PTPRN2: variants seen among roughly 807,000 people sequenced by gnomAD.
PTPRN2 encodes the protein receptor-type tyrosine-protein phosphatase N2.
PTPRN2 carries 74 observed loss-of-function variants against 118.8 expected under a neutral mutation model. That is an observed-to-expected ratio of 0.62 (90% confidence interval 0.52 to 0.76). The LOEUF (loss-of-function observed/expected upper bound fraction) is 0.76. PTPRN2 is among the 30% of genes least tolerant of loss of function. PTPRN2 has a pLI of 0.00. For synonymous variants in PTPRN2, 641 were observed against 608.0 expected (o/e 1.05, Z -0.80); for missense variants, 1,481 against 1,394.4 (o/e 1.06, Z -0.99).
rs1376376068 is a variant in PTPRN2 at position 158,565,860 on chromosome 7, G to A, written c.112+21698C>T. On this transcript the variant is annotated intron_variant, in intron 1 of 22. Coordinates refer to ENST00000389418, the MANE Select transcript of PTPRN2 (RefSeq NM_002847.5). This position sits in a 1 kb window ranked among gnomAD's most constrained non-coding sequence, Gnocchi z 4.6. ...CAGGATATTCTGATGAGGAAACCGA[G>A]GCATGGAGCTTCTTAGGAACTTTCC... is the stretch of plus-strand genomic sequence containing the variant. Among the ~76,000 whole-genome samples the A allele has an allele frequency of 6.6e-6, 1 of 152,136 alleles. No homozygotes were observed. The highest frequency in any genetic ancestry group is 2.4e-5 in the African/African-American group (1 of 41,412).
chr7:158,342,396 G>C (rs141498086), intron 2 of PTPRN2, among the ~76,000 whole-genome samples: 8,554 of 104,760 alleles, frequency 0.082, 101 homozygotes, highest in Middle Eastern at 0.14. Flanking sequence ...ATCTGCAGAC[G>C]TCACTCACAC....
At chr7:158,297,824 G>T (rs574365512) in intron 3 of PTPRN2, among the ~76,000 whole-genome samples, 1 of 152,324 alleles carries the variant, frequency 6.6e-6, no homozygotes, top group African/African-American at 2.4e-5. Context: ...CAATAGGATG[G>T]TTTGTGGACA....
intron 2 of PTPRN2, among the ~76,000 whole-genome samples, chr7:158,371,166 A>C (rs1354330821): frequency 6.6e-6 from 1 of 152,206 alleles, no homozygotes; most frequent in African/African-American, 2.4e-5. Flanking sequence ...GGACAAGGAT[A>C]ACACGGCCAA....
rs113826760 is a variant in PTPRN2 at position 157,790,202 on chromosome 7, G to A, written c.1789-107265C>T. On this transcript the variant is annotated intron_variant, in intron 12 of 22. Coordinates refer to ENST00000389418, the MANE Select transcript of PTPRN2 (RefSeq NM_002847.5). The stretch of plus-strand genomic sequence containing the variant: ...GTATGGTGGTGTGTGTGTGTGGTGC[G>A]TGGGGTGGTGACGTGTGTGTATGGT... Among the ~76,000 whole-genome samples, 689 of 141,696 alleles carry A rather than the reference G, an allele frequency of 4.9e-3. 16 individuals carry two copies. The highest frequency in any genetic ancestry group is 0.04 in the Admixed American group (569 of 14,086). The allele number at this position is 141,696 out of a possible 152,430, so 93.0% of individuals were successfully genotyped here.
At chr7:158,312,106 C>T (rs555865673) in intron 3 of PTPRN2, among the ~76,000 whole-genome samples, 11 of 129,986 alleles carry the variant, frequency 8.5e-5, no homozygotes, top group East Asian at 2.1e-4. Context: ...CACATGTAGA[C>T]GCCCACACAA....
At chr7:158,396,330 G>C (rs571301806) in intron 2 of PTPRN2, among the ~76,000 whole-genome samples, 194 of 152,288 alleles carry the variant, frequency 1.3e-3, no homozygotes, top group African/African-American at 4.2e-3. Flanking sequence ...TTTCAAACCC[G>C]CAAAAGGAAT....
chr7:157,677,470 A>G (rs575875922), intron 13 of PTPRN2, among the ~76,000 whole-genome samples: 15 of 152,204 alleles, frequency 9.9e-5, no homozygotes, highest in African/African-American at 3.1e-4. Flanking sequence ...ATCTCTCAGG[A>G]GCTGTATCTG....
chr7:158,274,471 A>G (rs1330785528), intron 3 of PTPRN2, among the ~76,000 whole-genome samples: 2 of 114,702 alleles, frequency 1.7e-5, no homozygotes, highest in Non-Finnish European at 3.9e-5. Context: ...CAGACACAGG[A>G]GGAGACACAC....
rs1803285955 is a variant in PTPRN2 at position 157,622,088 on chromosome 7, C to T, written c.2197-579G>A. Among the ~76,000 whole-genome samples the T allele has an allele frequency of 6.6e-6, 1 of 152,052 alleles. No individual in the cohort carries two copies. The highest frequency in any genetic ancestry group is 1.5e-5 in the Non-Finnish European group (1 of 68,024). On this transcript the variant is annotated intron_variant, in intron 14 of 22. Coordinates refer to ENST00000389418, the MANE Select transcript of PTPRN2 (RefSeq NM_002847.5). The surrounding 1 kb of genome is among the most constrained non-coding windows in gnomAD (Gnocchi z 5.3). ...CTATGAGTAGACAAGGAAACAAAGG[C>T]CTCCTGAAAATTCCCTTCCACAAAA...
intron 11 of PTPRN2, among the ~76,000 whole-genome samples, chr7:157,913,648 A>T (rs1354465718): frequency 2.6e-5 from 4 of 152,160 alleles, no homozygotes; most frequent in Non-Finnish European, 5.9e-5. Context: ...TGAGATAATA[A>T]TTTTTTTCTC....
At chr7:157,634,411 T>A (rs886559949) in intron 14 of PTPRN2, among the ~76,000 whole-genome samples, 2 of 152,242 alleles carry the variant, frequency 1.3e-5, no homozygotes, top group Admixed American at 6.5e-5. Context: ...AAAGTAAGTT[T>A]GCTCAAAGTA....
chr7:158,040,389 G>T (rs1240449143), intron 11 of PTPRN2, among the ~76,000 whole-genome samples: 2 of 143,216 alleles, frequency 1.4e-5, no homozygotes, highest in Non-Finnish European at 3.1e-5. Flanking sequence ...ATACACATGT[G>T]CACACACTTC....
chr7:158,463,204 A>G (rs1262334903), intron 2 of PTPRN2, among the ~76,000 whole-genome samples: 2 of 152,190 alleles, frequency 1.3e-5, no homozygotes, highest in Non-Finnish European at 2.9e-5. Flanking sequence ...TCAATATGCA[A>G]GTACAGAACT....
At chr7:157,939,455 C>T (rs1799915190) in intron 11 of PTPRN2, among the ~76,000 whole-genome samples, 1 of 152,268 alleles carries the variant, frequency 6.6e-6, no homozygotes, top group Admixed American at 6.5e-5. Context: ...GCTGGACAGC[C>T]ATCTGCAGAC....
chr7:158,530,477 G>A (rs1314976827), intron 1 of PTPRN2, among the ~76,000 whole-genome samples: 1 of 152,120 alleles, frequency 6.6e-6, no homozygotes, highest in African/African-American at 2.4e-5. Flanking sequence ...CTGCTCCCTG[G>A]AGCAGGTTTC....
chr7:158,471,171 T>C (rs942346133), intron 2 of PTPRN2, among the ~76,000 whole-genome samples: 1 of 152,142 alleles, frequency 6.6e-6, no homozygotes, highest in Non-Finnish European at 1.5e-5. Context: ...TCCTCCTCTC[T>C]GAAGGACAAT....
At chr7:158,436,985 T>C (rs1182376370) in intron 2 of PTPRN2, among the ~76,000 whole-genome samples, 1 of 152,182 alleles carries the variant, frequency 6.6e-6, no homozygotes, top group East Asian at 1.9e-4. Context: ...AAATCCAAGC[T>C]TTGGTGTCTT....
At chr7:158,264,140 A>G (rs1173007073) in intron 3 of PTPRN2, among the ~76,000 whole-genome samples, 1 of 152,232 alleles carries the variant, frequency 6.6e-6, no homozygotes, top group Non-Finnish European at 1.5e-5. Context: ...AGGCTTGCTG[A>G]TAACATTGTC....
At chr7:158,018,960 C>CA (rs764496591) in intron 11 of PTPRN2, among the ~76,000 whole-genome samples, 6 of 13,262 alleles carry the variant, frequency 4.5e-4, no homozygotes, top group African/African-American at 5.7e-4. Flanking sequence ...GACTTTGTTT[C>CA]AAAAACAAAA....
Sources: gnomAD v4.1 joint callset for allele counts (sites outside exome capture counted in the v4.1 genomes callset) on GRCh38, gnomAD v4.1.1 for gene constraint, Gnocchi (gnomAD v3.1) non-coding constraint, MANE v1.5 for transcripts, NCBI Gene and HGNC (gene_info 2026-07-23, HGNC 2026-07-21) for gene names.